The following ZNF521 variants were observed in gnomAD, a reference collection of about 807,000 sequenced individuals.
ZNF521 encodes the protein zinc finger protein 521, also known as LYST-interacting protein 3.
Under a neutral mutation model 105.5 loss-of-function variants are expected in ZNF521, and 14 were observed. The observed-to-expected ratio is 0.13, with a 90% CI of 0.09 to 0.21. The LOEUF is 0.21. Ranked by LOEUF, ZNF521 falls within the 10% of genes least tolerant of loss-of-function variation. The pLI, the probability that ZNF521 is intolerant of heterozygous loss-of-function variation, is 1.00. For missense variants in ZNF521, 1,233 were observed against 1,629.7 expected, an observed-to-expected ratio of 0.76 and a Z score of 4.19; for synonymous variants, 635 against 606.0, an observed-to-expected ratio of 1.05 and a Z score of -0.70.
chr18:25,234,696 TATAAGTG>T (rs1342111673), intron 3 of ZNF521, among the ~76,000 whole-genome samples: 1 of 152,118 alleles, frequency 6.6e-6, no homozygotes, highest in African/African-American at 2.4e-5. Flanking sequence ...CAAAGTTACC[TATAAGTG>T]ATAAGTGGTA....
At chr18:25,317,820 C>T (rs181898941) in intron 3 of ZNF521, among the ~76,000 whole-genome samples, 86 of 152,130 alleles carry the variant, frequency 5.7e-4, no homozygotes, top group Non-Finnish European at 1.0e-3. Context: ...AAATTAAAGA[C>T]GGATAATATA....
intron 5 of ZNF521, among the ~76,000 whole-genome samples, chr18:25,188,252 A>T (rs1387309971): frequency 1.3e-5 from 2 of 152,164 alleles, no homozygotes; most frequent in East Asian, 3.9e-4. Flanking sequence ...CTGCTGTCAT[A>T]GGCATAATTC....
intron 7 of ZNF521, among the ~76,000 whole-genome samples, chr18:25,066,859 G>C (rs987710911): frequency 6.6e-6 from 1 of 152,160 alleles, no homozygotes; most frequent in Non-Finnish European, 1.5e-5. Flanking sequence ...CACTACACTA[G>C]AACAAAGCAG....
intron 5 of ZNF521, among the ~76,000 whole-genome samples, chr18:25,162,865 A>AT (rs554372046): frequency 4.7e-4 from 70 of 150,012 alleles, no homozygotes; most frequent in Middle Eastern, 3.4e-3. Flanking sequence ...ATTAGGTTAG[A>AT]TTTTTTTTTT....
chr18:25,152,434 G>A (rs113373731), intron 5 of ZNF521, among the ~76,000 whole-genome samples: 2,100 of 150,684 alleles, frequency 0.014, 50 homozygotes, highest in African/African-American at 0.046. Context: ...AGCTGAGATC[G>A]TGCCACTGCA....
Position 25,225,628 on chromosome 18 carries a change from C to T in ZNF521, c.2290G>A (p.Glu764Lys), listed in dbSNP as rs976556591. The T allele has an allele frequency of 4.3e-6, 7 of 1,614,024 alleles. No individual in the cohort carries two copies. The highest frequency in any genetic ancestry group is 4.0e-5 in the African/African-American group (3 of 74,932). The change falls in exon 4 of 8, where the codon GAA (glutamate) becomes AAA (lysine). Residue 764 changes from glutamate to lysine, a missense_variant. Glu to Lys is a moderately conservative substitution (Grantham distance 56). Transcript: ENST00000361524. The surrounding 1 kb of genome is among the most constrained non-coding windows in gnomAD (Gnocchi z 5.6). ...CTSCNWDFRN[E>K]TDLQLHVKHN... Reference sequence around the variant, plus strand: ...TTCACATGGAGCTGCAAGTCAGTTTCGTTGCGGAAGTCCCAGTTGCAAGAT... The same window carrying T: ...TTCACATGGAGCTGCAAGTCAGTTTTGTTGCGGAAGTCCCAGTTGCAAGAT...
intron 3 of ZNF521, among the ~76,000 whole-genome samples, chr18:25,253,373 A>G (rs975694267): frequency 6.6e-4 from 101 of 152,238 alleles, no homozygotes; most frequent in African/African-American, 2.1e-3. Context: ...GACATTACTG[A>G]TCTTGAAGGG....
At chr18:25,162,854 CATTAG>C (rs758658723) in intron 5 of ZNF521, among the ~76,000 whole-genome samples, 30 of 152,066 alleles carry the variant, frequency 2.0e-4, no homozygotes, top group Non-Finnish European at 3.5e-4. Context: ...TTACAGGAGG[CATTAG>C]GTTAGATTTT....
At chr18:25,230,124 A>C (rs1282931381) in intron 3 of ZNF521, among the ~76,000 whole-genome samples, 1 of 152,152 alleles carries the variant, frequency 6.6e-6, no homozygotes, top group African/African-American at 2.4e-5. Context: ...GATTCAAGAG[A>C]GCAGAAACCT....
chr18:25,116,376 A>G (rs2034302010), intron 5 of ZNF521, among the ~76,000 whole-genome samples: 1 of 152,214 alleles, frequency 6.6e-6, no homozygotes, highest in Non-Finnish European at 1.5e-5. Flanking sequence ...TGAGACTCCA[A>G]CTGAGGGCCA....
At chr18:25,284,910 G>GCACACACACA (rs45525437) in intron 3 of ZNF521, among the ~76,000 whole-genome samples, 44 of 148,686 alleles carry the variant, frequency 3.0e-4, no homozygotes, top group Admixed American at 5.4e-4. Flanking sequence ...GTGCGCGCGC[G>GCACACACACA]CACACACACA....
intron 7 of ZNF521, among the ~76,000 whole-genome samples, chr18:25,086,220 A>C (rs1476746638): frequency 6.6e-6 from 1 of 152,118 alleles, no homozygotes; most frequent in Non-Finnish European, 1.5e-5. Flanking sequence ...GAATTTTAGA[A>C]AATTTTTTTT....
At chr18:25,310,827 C>T (rs965206197) in intron 3 of ZNF521, among the ~76,000 whole-genome samples, 4 of 152,080 alleles carry the variant, frequency 2.6e-5, no homozygotes, top group Non-Finnish European at 5.9e-5. Context: ...TATATTGAAA[C>T]GAATGTTTCC....
At chr18:25,140,590 T>C (rs1369446941) in intron 5 of ZNF521, among the ~76,000 whole-genome samples, 1 of 152,284 alleles carries the variant, frequency 6.6e-6, no homozygotes, top group East Asian at 1.9e-4. Flanking sequence ...TTCAGTTAAA[T>C]CATCTGGAAG....
chr18:25,130,735 G>C (rs1249365852), intron 5 of ZNF521, among the ~76,000 whole-genome samples: 1 of 152,074 alleles, frequency 6.6e-6, no homozygotes. Flanking sequence ...TTAAGGCTAG[G>C]AGTTGGAGAT....
intron 5 of ZNF521, among the ~76,000 whole-genome samples, chr18:25,179,299 G>C (rs560072983): frequency 1.3e-4 from 19 of 151,188 alleles, no homozygotes; most frequent in African/African-American, 3.9e-4. Context: ...GATTACACAT[G>C]CCACCACATC....
intron 2 of ZNF521, among the ~76,000 whole-genome samples, chr18:25,330,187 CAG>C (rs34462666): frequency 0.37 from 55,453 of 151,366 alleles, 10,241 homozygotes; most frequent in Non-Finnish European, 0.38. Context: ...TTTTTTGAGA[CAG>C]AGTCTCACTC....
chr18:25,157,774 G>A (rs1045865954), intron 5 of ZNF521, among the ~76,000 whole-genome samples: 3 of 151,164 alleles, frequency 2.0e-5, no homozygotes, highest in African/African-American at 7.3e-5. Flanking sequence ...TTTTTGAGAC[G>A]GAGTCTTGCA....
intron 2 of ZNF521, among the ~76,000 whole-genome samples, chr18:25,328,153 A>G (rs989911425): frequency 2.0e-5 from 3 of 152,222 alleles, no homozygotes; most frequent in African/African-American, 7.2e-5. Flanking sequence ...TCCTTTGTCT[A>G]TAAAATCTTC....
Sources: gnomAD v4.1 joint callset for allele counts (sites outside exome capture counted in the v4.1 genomes callset) on GRCh38, gnomAD v4.1.1 for gene constraint, Gnocchi (gnomAD v3.1) non-coding constraint, MANE v1.5 for transcripts, NCBI Gene and HGNC (gene_info 2026-07-23, HGNC 2026-07-21) for gene names.